The following FBXO47 variants were observed in gnomAD, a reference collection of about 807,000 sequenced individuals.
FBXO47 encodes F-box only protein 47.
In FBXO47, 34 loss-of-function variants were observed where a neutral mutation model predicts 53.9. The observed-to-expected ratio is 0.63, with a 90% CI of 0.48 to 0.84. The LOEUF (loss-of-function observed/expected upper bound fraction) is 0.84, where lower values mean the gene tolerates loss of function less well. FBXO47 is among the 40% of genes least tolerant of loss of function. FBXO47 has a pLI of 0.00. For missense variants in FBXO47, 485 were observed against 541.3 expected (o/e 0.90, Z 1.03); for synonymous variants, 165 against 181.6 (o/e 0.91, Z 0.73).
intron 3 of FBXO47, among the ~76,000 whole-genome samples, chr17:38,960,447 A>G (rs938381045): frequency 1.3e-5 from 2 of 152,068 alleles, no homozygotes; most frequent in African/African-American, 4.8e-5. Flanking sequence ...TAAGATCAAT[A>G]CATATTTGTA....
intron 6 of FBXO47, 63 bp from the exon 7 acceptor site, chr17:38,945,199 T>C (rs1468778623): frequency 8.4e-7 from 1 of 1,191,304 alleles, no homozygotes; most frequent in East Asian, 2.4e-5. Context: ...TATTGAATAG[T>C]GATCAAAGCA....
chr17:38,951,592 C>A lies in FBXO47; in HGVS notation c.605G>T (p.Cys202Phe), dbSNP rs1303974338. 2 of 1,611,226 alleles carry A rather than the reference C, an allele frequency of 1.2e-6. No homozygotes were observed. The highest frequency in any genetic ancestry group is 1.7e-6 in the Non-Finnish European group (2 of 1,178,190). The change falls in exon 6 of 11, where the codon TGC becomes TTC. Residue 202 changes from cysteine (C) to phenylalanine (F), a missense_variant. Cys to Phe is a radical substitution (Grantham distance 205, BLOSUM62 -2). Transcript: ENST00000378079. ...NLCRKIQMAV[C>F]SKPGSAQKLE... is the part of the protein sequence containing the mutation. ...TTATAGTTTTTTACCTGGTTTGCTGCAGACAGCCATTTGTATCTTGCGGCA... is the reference window on the plus strand; with the variant it reads ...TTATAGTTTTTTACCTGGTTTGCTGAAGACAGCCATTTGTATCTTGCGGCA...
In FBXO47 at chr17:38,944,847, C is replaced by CGTGTGTGTGTGT. The variant is rs1462853688; in HGVS notation, c.793+112_793+113insACACACACACAC. The CGTGTGTGTGTGT allele has an allele frequency of 1.6e-3, 642 of 400,476 alleles. 2 individuals are homozygous for CGTGTGTGTGTGT. In the African/African-American group the frequency reaches 0.017, roughly 10 times the overall value. 24.8% of individuals were successfully genotyped at this position (400,476 alleles called of 1,614,324 possible). ...GATCGCACCACTGTGTGCGTGCATGCATGTGTGTGTGTGTGTGTGTGTGTA... is the reference window on the plus strand; with the variant it reads ...GATCGCACCACTGTGTGCGTGCATGCGTGTGTGTGTGTATGTGTGTGTGTGTGTGTGTGTGTA... On this transcript the variant is annotated intron_variant, in intron 7 of 10. Coordinates refer to ENST00000378079, the MANE Select transcript of FBXO47 (RefSeq NM_001008777.3).
chr17:38,939,323 A>AAAAAAAAAAT (rs1555559726), intron 9 of FBXO47, among the ~76,000 whole-genome samples: 1 of 50,174 alleles, frequency 2.0e-5, no homozygotes, highest in Admixed American at 2.2e-4. Context: ...AAAAAAAAAA[A>AAAAAAAAAAT]ATATATATAT....
chr17:38,948,388 T>C (rs559543695), intron 6 of FBXO47, among the ~76,000 whole-genome samples: 2 of 151,960 alleles, frequency 1.3e-5, no homozygotes, highest in African/African-American at 4.8e-5. Context: ...GATTATTTTG[T>C]ATTTTTAGTA....
At chr17:38,938,459 T>G in intron 10 of FBXO47, 114 bp downstream of exon 10, 1 of 778,302 alleles carries the variant, frequency 1.3e-6, no homozygotes, top group East Asian at 2.5e-5. Context: ...AACATAGAAA[T>G]AGCTTTTTTT....
chr17:38,942,548 C>T (rs1420118590), intron 9 of FBXO47, among the ~76,000 whole-genome samples: 2 of 152,012 alleles, frequency 1.3e-5, no homozygotes, highest in African/African-American at 2.4e-5. Context: ...GAGCCGAGAT[C>T]GCACCACTGC....
In FBXO47 at chr17:38,955,245, G is replaced by A. The variant is rs184073337; in HGVS notation, c.430-312C>T. Among the ~76,000 whole-genome samples the A allele has an allele frequency of 6.6e-3, 1,007 of 151,742 alleles. 14 individuals are homozygous for A. The highest frequency in any genetic ancestry group is 9.9e-3 in the Non-Finnish European group (674 of 67,846). On this transcript the variant is annotated intron_variant, in intron 4 of 10. Transcript: ENST00000378079. ...TGCTAAAAATACACAAAAATTAGCC[G>A]GGTGTGGTGGTGGGCACCTGTAGTC... is the stretch of plus-strand genomic sequence containing the variant.
intron 9 of FBXO47, among the ~76,000 whole-genome samples, chr17:38,939,699 C>T (rs1195653769): frequency 1.8e-5 from 2 of 113,300 alleles, no homozygotes; most frequent in Admixed American, 1.3e-4. Flanking sequence ...CTCACTCTGT[C>T]GCCCAGGCCG....
At chr17:38,966,099 C>T (rs895112365) in intron 1 of FBXO47, among the ~76,000 whole-genome samples, 3 of 152,118 alleles carry the variant, frequency 2.0e-5, no homozygotes, top group Admixed American at 1.3e-4. Context: ...TAACCTTCTA[C>T]AAGTAATCAT....
At chr17:38,964,866 G>T (rs1264931674) in intron 1 of FBXO47, among the ~76,000 whole-genome samples, 1 of 151,900 alleles carries the variant, frequency 6.6e-6, no homozygotes, top group African/African-American at 2.4e-5. Flanking sequence ...GGGCTGGAGT[G>T]CAGTGGCATG....
At chr17:38,944,190 C>CGTGGGT (rs1479938002) in intron 7 of FBXO47, among the ~76,000 whole-genome samples, 1 of 122,650 alleles carries the variant, frequency 8.2e-6, no homozygotes. Flanking sequence ...TCAAAAAAAA[C>CGTGGGT]ATGTGTGTGT....
intron 4 of FBXO47, among the ~76,000 whole-genome samples, chr17:38,955,647 A>G (rs1221380405): frequency 6.6e-6 from 1 of 151,220 alleles, no homozygotes; most frequent in Non-Finnish European, 1.5e-5. Flanking sequence ...ACCATGTTTT[A>G]TAACTTCTTG....
At position 38,944,700 on chromosome 17, in the gene FBXO47, CAAAA is replaced by C. The variant is rs869294898; in HGVS notation, c.793+256_793+259del. 4.1e-3 allele frequency among the ~76,000 whole-genome samples: 371 copies of C among 90,960 alleles called. 3 individuals carry two copies. The highest frequency in any genetic ancestry group is 0.014 in the African/African-American group (342 of 24,934). 59.7% of individuals were successfully genotyped at this position (90,960 alleles called of 152,430 possible). ...CTGGGTGACAGAGCAGACTCCGTCTCAAAAAAAAAAAAAAAAAAAAATTAGCTGG... is the reference window on the plus strand; with the variant it reads ...CTGGGTGACAGAGCAGACTCCGTCTCAAAAAAAAAAAAAAAAATTAGCTGG... On this transcript the variant is annotated intron_variant, in intron 7 of 10. Coordinates refer to ENST00000378079, the MANE Select transcript of FBXO47 (RefSeq NM_001008777.3).
intron 9 of FBXO47, among the ~76,000 whole-genome samples, chr17:38,939,121 C>G (rs1359061138): frequency 1.3e-5 from 2 of 151,046 alleles, no homozygotes; most frequent in Non-Finnish European, 1.5e-5. Context: ...TGGTGAAACC[C>G]TGTCTCTACT....
At chr17:38,955,072 T>C (rs745647764) in intron 4 of FBXO47, 139 bp from the exon 5 acceptor site, 17 of 609,606 alleles carry the variant, frequency 2.8e-5, no homozygotes, top group African/African-American at 5.7e-5. Flanking sequence ...ATTGGTTACA[T>C]AGGTGGGGAT....
At chr17:38,946,315 A>T (rs1376077475) in intron 6 of FBXO47, among the ~76,000 whole-genome samples, 2 of 86,410 alleles carry the variant, frequency 2.3e-5, no homozygotes, top group Non-Finnish European at 3.8e-5. Context: ...TAAATATATA[A>T]ATATATATAA....
At chr17:38,966,034 CTATA>C (rs1423074754) in intron 1 of FBXO47, among the ~76,000 whole-genome samples, 1 of 152,036 alleles carries the variant, frequency 6.6e-6, no homozygotes. Context: ...AGAGGGATCA[CTATA>C]TATAATACTT....
chr17:38,965,708 C>CAAAAAAA (rs1906072513), intron 1 of FBXO47, among the ~76,000 whole-genome samples: 1 of 49,220 alleles, frequency 2.0e-5, no homozygotes, highest in African/African-American at 8.7e-5. Context: ...CCCTTCTCTA[C>CAAAAAAA]TAAAAAAAAA....
Sources: allele counts gnomAD v4.1 joint callset (sites outside exome capture counted in the v4.1 genomes callset), GRCh38; gene constraint gnomAD v4.1.1; transcripts MANE v1.5; gene names NCBI Gene and HGNC (gene_info 2026-07-23, HGNC 2026-07-21).